Variants in UBL3 observed in about 807,000 individuals in gnomAD.
UBL3 encodes the protein ubiquitin like 3.
A neutral mutation model predicts 18.4 loss-of-function variants in UBL3; 6 were observed. The observed-to-expected ratio is 0.33, with a 90% CI of 0.18 to 0.64. UBL3 has a LOEUF of 0.64. UBL3 is among the 30% of genes least tolerant of loss of function. UBL3 has a pLI of 0.76. For synonymous variants in UBL3, 49 were observed against 46.6 expected (o/e 1.05, Z -0.21); for missense variants, 109 against 142.9 (o/e 0.76, Z 1.21).
chr13:29,797,267 C>T lies in UBL3; in HGVS notation c.28-20004G>A, dbSNP rs368307720. ...GAGAAAGAAAATTAAATGCTAGGTA[C>T]TTTGCTTCCTTGTGAAAGAGATATG... On this transcript the variant is annotated intron_variant, in intron 1 of 4. Coordinates refer to ENST00000380680, the MANE Select transcript of UBL3 (RefSeq NM_007106.4). Among the ~76,000 whole-genome samples, 3 of 152,124 alleles carry T rather than the reference C, an allele frequency of 2.0e-5. No individual in the cohort carries two copies. The East Asian group carries it at 5.8e-4, about 29-fold the overall frequency.
intron 1 of UBL3, chr13:29,779,402 T>C (rs1305213693): frequency 1.2e-5 from 3 of 249,296 alleles, no homozygotes; most frequent in African/African-American, 7.1e-5. Context: ...AAAAATATAA[T>C]TAAATTCAAG....
intron 1 of UBL3, among the ~76,000 whole-genome samples, chr13:29,783,005 T>G (rs1877218446): frequency 1.3e-5 from 2 of 152,208 alleles, no homozygotes; most frequent in Non-Finnish European, 2.9e-5. Flanking sequence ...TTTTTCAGTT[T>G]TAAGATGCAA....
Position 29,815,327 on chromosome 13 carries a change from A to C in UBL3, c.27+34185T>G, listed in dbSNP as rs888595220. Among the ~76,000 whole-genome samples, 3 of 152,310 alleles carry C rather than the reference A, an allele frequency of 2.0e-5. No homozygotes were observed. In the East Asian group the frequency reaches 5.8e-4, roughly 29 times the overall value. ...GGGGGGGAGAAATATCTCATATAAT[A>C]AATCAGCTTCAAACTTCTGAGATCC... On this transcript the variant is annotated intron_variant, in intron 1 of 4. Coordinates refer to ENST00000380680, the MANE Select transcript of UBL3 (RefSeq NM_007106.4).
Position 29,768,610 on chromosome 13 carries a change from A to G in UBL3, c.224-915T>C, listed in dbSNP as rs143109497. On this transcript the variant is annotated intron_variant, in intron 3 of 4. Coordinates refer to ENST00000380680, the MANE Select transcript of UBL3 (RefSeq NM_007106.4). Reference sequence around the variant, plus strand: ...ATGATGGTTAACATGCAGATTTTAAAAAGAATCCTAATTATCTTCAACACT... The same window carrying G: ...ATGATGGTTAACATGCAGATTTTAAGAAGAATCCTAATTATCTTCAACACT... Among the ~76,000 whole-genome samples the G allele has an allele frequency of 3.3e-5, 5 of 152,208 alleles. No homozygotes were observed. In the East Asian group the frequency reaches 7.7e-4, roughly 23 times the overall value.
At chr13:29,837,822 AG>A (rs1241814374) in intron 1 of UBL3, among the ~76,000 whole-genome samples, 1 of 151,644 alleles carries the variant, frequency 6.6e-6, no homozygotes, top group Non-Finnish European at 1.5e-5. Context: ...CCCAGCTACT[AG>A]GGAGGCTGAG....
At chr13:29,823,216 C>G (rs551410679) in intron 1 of UBL3, among the ~76,000 whole-genome samples, 1 of 152,152 alleles carries the variant, frequency 6.6e-6, no homozygotes, top group Non-Finnish European at 1.5e-5. Flanking sequence ...GATCTCAACT[C>G]ACTGCAACCT....
intron 2 of UBL3, among the ~76,000 whole-genome samples, chr13:29,776,732 G>GT (rs1480158358): frequency 6.6e-6 from 1 of 151,808 alleles, no homozygotes; most frequent in Admixed American, 6.6e-5. Context: ...TTAGCTGGGT[G>GT]TGGTGGCACG....
At chr13:29,812,912 TTACCTGTTGTC>T (rs1188175525) in intron 1 of UBL3, among the ~76,000 whole-genome samples, 1 of 152,096 alleles carries the variant, frequency 6.6e-6, no homozygotes, top group East Asian at 1.9e-4. Flanking sequence ...AAAATTAATT[TTACCTGTTGTC>T]TTTTAACTTT....
chr13:29,789,437 C>T (rs149936583), intron 1 of UBL3, among the ~76,000 whole-genome samples: 1 of 152,246 alleles, frequency 6.6e-6, no homozygotes, highest in Admixed American at 6.5e-5. Context: ...CTTTCATATG[C>T]CAAAATCTCT....
intron 1 of UBL3, among the ~76,000 whole-genome samples, chr13:29,837,231 AAAC>A (rs1339859736): frequency 1.3e-5 from 2 of 152,220 alleles, no homozygotes; most frequent in Non-Finnish European, 2.9e-5. Context: ...ATCAAAAACA[AAAC>A]AACAGAAACA....
At chr13:29,840,064 GA>G (rs1879059615) in intron 1 of UBL3, among the ~76,000 whole-genome samples, 1 of 142,364 alleles carries the variant, frequency 7.0e-6, no homozygotes, top group African/African-American at 2.6e-5. Flanking sequence ...GGTAAAGGCA[GA>G]AATCAGTAAA....
intron 1 of UBL3, among the ~76,000 whole-genome samples, chr13:29,815,596 T>C (rs1878255425): frequency 6.6e-6 from 1 of 152,172 alleles, no homozygotes; most frequent in Non-Finnish European, 1.5e-5. Flanking sequence ...CCCAAATATG[T>C]ACTGTCTTTC....
chr13:29,801,903 G>A (rs1312349167), intron 1 of UBL3, among the ~76,000 whole-genome samples: 1 of 152,188 alleles, frequency 6.6e-6, no homozygotes. Flanking sequence ...AAGGCCCTCT[G>A]CCACAGCCAC....
At position 29,850,310 on chromosome 13, in the gene UBL3, C is replaced by A. The variant is rs1327818863; in HGVS notation, c.-772G>T. 6.5e-6 allele frequency: 1 copy of A among 153,526 alleles called. No homozygotes were observed. The highest frequency in any genetic ancestry group is 1.5e-5 in the Non-Finnish European group (1 of 68,474). 9.5% of individuals were successfully genotyped at this position (153,526 alleles called of 1,614,324 possible). A position where few individuals can be genotyped will look rare whatever the true frequency, so the allele number is the denominator to read the frequency against. ...CTCCGGACAGCAGCTGGGGTCGGGG[C>A]GCATCGTCTCCGGCTCCTCGCCACT... On this transcript the variant is annotated 5_prime_UTR_variant, in exon 1 of 5. Transcript: ENST00000380680.
At chr13:29,806,914 GT>G (rs1877912916) in intron 1 of UBL3, among the ~76,000 whole-genome samples, 1 of 151,904 alleles carries the variant, frequency 6.6e-6, no homozygotes, top group African/African-American at 2.4e-5. Flanking sequence ...CCTCTATCTT[GT>G]TCTTTCCTAC....
rs369234278 is a variant in UBL3, at chr13:29,776,794, C to T, written c.136+361G>A. 2.6e-4 allele frequency among the ~76,000 whole-genome samples: 37 copies of T among 139,706 alleles called. 2 individuals carry two copies. Among genetic ancestry groups the T allele is most frequent in the Middle Eastern group, 8.7e-3 (2 of 230 alleles). 91.7% of individuals were successfully genotyped at this position (139,706 alleles called of 152,430 possible). Reference sequence around the variant, plus strand: ...GCTGAGGTAGGGGAATCACTTGAGCCCGGGAGGCAGAGGTTGCGGTGAGCT... The same window carrying T: ...GCTGAGGTAGGGGAATCACTTGAGCTCGGGAGGCAGAGGTTGCGGTGAGCT... On this transcript the variant is annotated intron_variant, in intron 2 of 4. Transcript: ENST00000380680.
intron 1 of UBL3, among the ~76,000 whole-genome samples, chr13:29,824,180 G>A (rs1878554894): frequency 6.6e-6 from 1 of 152,174 alleles, no homozygotes; most frequent in Non-Finnish European, 1.5e-5. Context: ...ATGTGCATGT[G>A]TCTTTATAGC....
At chr13:29,779,091 C>A in intron 1 of UBL3, 1 of 356,138 alleles carries the variant, frequency 2.8e-6, no homozygotes, top group Non-Finnish European at 5.3e-6. Context: ...ACTTTGAGTT[C>A]CACTTGAATA....
intron 1 of UBL3, among the ~76,000 whole-genome samples, chr13:29,782,390 T>G (rs1877199807): frequency 6.6e-6 from 1 of 152,206 alleles, no homozygotes. Context: ...GCCAATAAAC[T>G]GATATTACAC....
Sources: gnomAD v4.1 joint callset for allele counts (sites outside exome capture counted in the v4.1 genomes callset) on GRCh38, gnomAD v4.1.1 for gene constraint, MANE v1.5 for transcripts, NCBI Gene and HGNC (gene_info 2026-07-23, HGNC 2026-07-21) for gene names.